The following PDE11A variants were observed in gnomAD, a reference collection of about 807,000 sequenced individuals.
PDE11A encodes the protein phosphodiesterase 11A.
A neutral mutation model predicts 100.5 loss-of-function variants in PDE11A; 100 were observed. The ratio of observed to expected loss-of-function variants is 1.00; its 90% confidence interval spans 0.85 to 1.18. The LOEUF is 1.18. PDE11A is among the 50% of genes most tolerant of loss of function. PDE11A has a pLI of 0.00. For synonymous variants in PDE11A, 381 were observed against 420.8 expected (o/e 0.91, Z 1.16); for missense variants, 1,141 against 1,152.6 (o/e 0.99, Z 0.15).
At chr2:177,664,481 T>C (rs2080538700) in intron 18 of PDE11A, among the ~76,000 whole-genome samples, 1 of 152,206 alleles carries the variant, frequency 6.6e-6, no homozygotes, top group Non-Finnish European at 1.5e-5. Flanking sequence ...AATTTTTAAA[T>C]ATTTATTTAT....
intron 13 of PDE11A, among the ~76,000 whole-genome samples, chr2:177,706,935 G>A (rs1574064598): frequency 6.6e-6 from 1 of 151,880 alleles, no homozygotes; most frequent in Non-Finnish European, 1.5e-5. Flanking sequence ...AACATAGCTA[G>A]TAAGGTTTAC....
chr2:177,663,901 C>A lies in PDE11A; in HGVS notation c.2611G>T (p.Glu871Ter), dbSNP rs1197698140. Residue 871 changes from glutamate (E) to a stop codon, truncating the protein, a stop_gained, in exon 19 of 20, where the codon GAG becomes TAG. Transcript: ENST00000286063. LOFTEE classifies it high-confidence loss of function. Reference sequence around the variant, plus strand: ...GGCATGCAGATGCTATCAATCCACTCCAGTTGCAACCGAGGCAGTTCATCC... The same window carrying A: ...GGCATGCAGATGCTATCAATCCACTACAGTTGCAACCGAGGCAGTTCATCC... ...RKDELPRLQLEWIDSICMPLY... is the reference protein window; with the variant it reads ...RKDELPRLQL 21 of 1,611,360 alleles carry A rather than the reference C, an allele frequency of 1.3e-5. No homozygotes were observed. The highest frequency in any genetic ancestry group is 1.8e-5 in the Non-Finnish European group (21 of 1,177,592).
intron 2 of PDE11A, among the ~76,000 whole-genome samples, chr2:178,079,831 G>T (rs1313583707): frequency 6.6e-6 from 1 of 152,002 alleles, no homozygotes; most frequent in African/African-American, 2.4e-5. Context: ...TAATTGCCAA[G>T]AAACAATTCT....
intron 5 of PDE11A, among the ~76,000 whole-genome samples, chr2:177,866,037 G>T (rs970159219): frequency 6.6e-6 from 1 of 152,116 alleles, no homozygotes; most frequent in Non-Finnish European, 1.5e-5. Flanking sequence ...AAAACTTAAA[G>T]ATAAGAATAA....
chr2:177,787,485 G>A (rs540113727), intron 9 of PDE11A, among the ~76,000 whole-genome samples: 82 of 151,572 alleles, frequency 5.4e-4, no homozygotes, highest in African/African-American at 1.9e-3. Context: ...ATCAACTAAC[G>A]AGCAAATTAA....
At chr2:178,083,849 T>C (rs2087316446) in intron 2 of PDE11A, among the ~76,000 whole-genome samples, 2 of 152,242 alleles carry the variant, frequency 1.3e-5, no homozygotes, top group Non-Finnish European at 2.9e-5. Context: ...AGCTATACTT[T>C]TAGTTTTTCT....
chr2:178,071,600 C>G lies in PDE11A; in HGVS notation c.838G>C (p.Val280Leu). Residue 280 changes from valine to leucine, a missense_variant, in exon 1 of 20, where the codon GTC (valine) becomes CTC (leucine). Val to Leu is a conservative substitution (Grantham distance 32). Transcript: ENST00000286063. ...CCAATGATACCTTTGCCCCAGGGGA[C>G]CTGCACCTCATTTGAGTTCTCTGTG... ...SSTENSNEVQ[V>L]PWGKGIIGYV... 1 of 1,613,846 alleles carries G rather than the reference C, an allele frequency of 6.2e-7. No homozygotes were observed. Among genetic ancestry groups the G allele is most frequent in the Non-Finnish European group, 8.5e-7 (1 of 1,179,770 alleles).
At chr2:178,105,413 T>G (rs2087606467) in intron 1 of PDE11A, among the ~76,000 whole-genome samples, 1 of 152,118 alleles carries the variant, frequency 6.6e-6, no homozygotes, top group Non-Finnish European at 1.5e-5. Context: ...AAGCTGAGAT[T>G]GCGCCACTGC....
chr2:178,030,836 T>C (rs1410827017), intron 1 of PDE11A, among the ~76,000 whole-genome samples: 1 of 152,140 alleles, frequency 6.6e-6, no homozygotes, highest in Admixed American at 6.5e-5. Flanking sequence ...CTTGTGATTG[T>C]GTCACTGCAC....
chr2:177,900,609 T>G (rs945636426), intron 3 of PDE11A, among the ~76,000 whole-genome samples: 8 of 151,926 alleles, frequency 5.3e-5, no homozygotes, highest in Non-Finnish European at 1.2e-4. Context: ...TACAAAAAAA[T>G]TAGCCAGGTG....
chr2:177,693,303 T>C (rs989548423), intron 15 of PDE11A, among the ~76,000 whole-genome samples: 5 of 152,088 alleles, frequency 3.3e-5, no homozygotes, highest in African/African-American at 1.2e-4. Flanking sequence ...ACACACAACA[T>C]GGAAGTACAT....
At chr2:178,029,316 G>T in intron 1 of PDE11A, among the ~76,000 whole-genome samples, 1 of 152,086 alleles carries the variant, frequency 6.6e-6, no homozygotes, top group South Asian at 2.1e-4. Flanking sequence ...ATGCACTTTA[G>T]TTAGGAACAA....
chr2:177,846,269 G>A (rs2083601207), intron 5 of PDE11A, among the ~76,000 whole-genome samples: 1 of 152,172 alleles, frequency 6.6e-6, no homozygotes, highest in Non-Finnish European at 1.5e-5. Context: ...TTGGTAAAAT[G>A]GGTATAATAC....
intron 19 of PDE11A, among the ~76,000 whole-genome samples, chr2:177,635,127 GT>G (rs2080020413): frequency 6.6e-6 from 1 of 152,168 alleles, no homozygotes; most frequent in Admixed American, 6.5e-5. Flanking sequence ...AGTCCATTTA[GT>G]TTTTGATTGT....
intron 2 of PDE11A, among the ~76,000 whole-genome samples, chr2:177,951,099 G>C (rs2085500147): frequency 1.3e-5 from 2 of 152,158 alleles, no homozygotes; most frequent in African/African-American, 4.8e-5. Flanking sequence ...TTTTATGTTA[G>C]ATAGAAATGT....
At chr2:178,013,013 T>A (rs2086290035) in intron 2 of PDE11A, among the ~76,000 whole-genome samples, 2 of 152,214 alleles carry the variant, frequency 1.3e-5, no homozygotes, top group South Asian at 4.1e-4. Flanking sequence ...GGCCTACATT[T>A]ATATTCACTT....
At chr2:177,750,785 G>T (rs934799) in intron 10 of PDE11A, among the ~76,000 whole-genome samples, 146,865 of 152,344 alleles carry the variant, frequency 0.96, 71,004 homozygotes, top group East Asian at 1. Flanking sequence ...AAAATTATTT[G>T]AGTACCAAAA....
intron 16 of PDE11A, among the ~76,000 whole-genome samples, chr2:177,676,716 T>G (rs1012612894): frequency 1.3e-5 from 2 of 152,236 alleles, no homozygotes; most frequent in African/African-American, 4.8e-5. Flanking sequence ...ATCAGTCTAT[T>G]CATTTTTGAC....
intron 2 of PDE11A, among the ~76,000 whole-genome samples, chr2:177,969,702 C>T (rs913913524): frequency 2.6e-5 from 4 of 152,088 alleles, no homozygotes; most frequent in Admixed American, 2.0e-4. Flanking sequence ...GTGGGGTTTG[C>T]AACTAATTAT....
Sources: allele counts gnomAD v4.1 joint callset (sites outside exome capture counted in the v4.1 genomes callset), GRCh38; gene constraint gnomAD v4.1.1; transcripts MANE v1.5; gene names NCBI Gene and HGNC (gene_info 2026-07-23, HGNC 2026-07-21).